MYT1: variants seen among roughly 807,000 people sequenced by gnomAD.
MYT1 encodes myelin transcription factor 1.
In MYT1, 23 loss-of-function variants were observed where a neutral mutation model predicts 123.0. The ratio of observed to expected loss-of-function variants is 0.19; its 90% CI spans 0.13 to 0.26. The LOEUF is 0.26. Ranked by LOEUF, MYT1 falls within the 10% of genes least tolerant of loss-of-function variation. The probability of loss-of-function intolerance (pLI) is 1.00; values close to 1 mark genes in which losing one functional copy is unlikely to be tolerated. For synonymous variants in MYT1, 518 were observed against 575.3 expected (o/e 0.90, Z 1.43); for missense variants, 1,125 against 1,472.5 (o/e 0.76, Z 3.86).
rs1190234525 is a variant in MYT1 at position 64,231,002 on chromosome 20, A to G, written c.2676-1162A>G. Among the ~76,000 whole-genome samples, 1 of 152,074 alleles carries G rather than the reference A, an allele frequency of 6.6e-6. No individual in the cohort carries two copies. The highest frequency in any genetic ancestry group is 1.5e-5 in the Non-Finnish European group (1 of 68,000). On this transcript the variant is annotated intron_variant, in intron 18 of 22. Transcript: ENST00000328439. This position sits in a 1 kb window ranked among gnomAD's most constrained non-coding sequence, Gnocchi z 6.4. ...CCTTCCACTGGGCAGCGCAGCCCTGAGCCGCCTCTCACCCCTACGGCGGGA... is the reference window on the plus strand; with the variant it reads ...CCTTCCACTGGGCAGCGCAGCCCTGGGCCGCCTCTCACCCCTACGGCGGGA...
chr20:64,206,504 A>G (rs1024758415), intron 6 of MYT1, among the ~76,000 whole-genome samples: 1 of 152,114 alleles, frequency 6.6e-6, no homozygotes, highest in African/African-American at 2.4e-5. Flanking sequence ...GCAGATCTGT[A>G]GAGACCTGGG....
At position 64,231,781 on chromosome 20, in the gene MYT1, T is replaced by C. The variant is rs1178453726; in HGVS notation, c.2676-383T>C. ...CTCCCAGGGAGTGGCCTCTAGGTGG[T>C]CTCAGCTGACAACATGGCTCCACAT... is the stretch of plus-strand genomic sequence containing the variant. On this transcript the variant is annotated intron_variant, in intron 18 of 22. Transcript: ENST00000328439. The surrounding 1 kb of genome is among the most constrained non-coding windows in gnomAD (Gnocchi z 6.4). Among the ~76,000 whole-genome samples the C allele has an allele frequency of 6.6e-6, 1 of 152,072 alleles. No homozygotes were observed. Among genetic ancestry groups the C allele is most frequent in the Non-Finnish European group, 1.5e-5 (1 of 68,006 alleles).
chr20:64,199,765 A>T, intron 3 of MYT1, 127 bp from the exon 4 acceptor site: 1 of 1,085,790 alleles, frequency 9.2e-7, no homozygotes. Flanking sequence ...CTCAGGTCTC[A>T]CTGAGATTTG....
intron 4 of MYT1, among the ~76,000 whole-genome samples, chr20:64,201,939 C>T (rs946303226): frequency 7.2e-6 from 1 of 139,136 alleles, no homozygotes; most frequent in Non-Finnish European, 1.6e-5. Flanking sequence ...CCCCGCGTGT[C>T]GGGAACCTCT....
intron 16 of MYT1, among the ~76,000 whole-genome samples, chr20:64,223,728 C>T (rs1158203944): frequency 2.0e-5 from 3 of 152,150 alleles, no homozygotes; most frequent in Non-Finnish European, 4.4e-5. Context: ...CAGAACCGAC[C>T]AGGGAACGTA....
intron 21 of MYT1, among the ~76,000 whole-genome samples, chr20:64,237,661 T>C (rs187079): frequency 0.017 from 2,544 of 152,338 alleles, 78 homozygotes; most frequent in African/African-American, 0.059. Context: ...ACACTATTAA[T>C]AATACTAGTC....
chr20:64,234,700 G>A (rs1984445610), intron 19 of MYT1, among the ~76,000 whole-genome samples: 1 of 119,054 alleles, frequency 8.4e-6, no homozygotes. Flanking sequence ...GCTGGCCGTG[G>A]TGGGTGACCC....
chr20:64,170,895 A>T, intron 1 of MYT1, among the ~76,000 whole-genome samples: 1 of 74,580 alleles, frequency 1.3e-5, no homozygotes, highest in South Asian at 5.7e-4. Context: ...AGAGAGAGAG[A>T]GAGAGAGAGA....
rs1361013616 is a variant in MYT1 at position 64,203,189 on chromosome 20, C to T, written c.87-1846C>T. Among the ~76,000 whole-genome samples, 1 of 152,204 alleles carries T rather than the reference C, an allele frequency of 6.6e-6. No individual in the cohort carries two copies. Among genetic ancestry groups the T allele is most frequent in the African/African-American group, 2.4e-5 (1 of 41,454 alleles). On this transcript the variant is annotated intron_variant, in intron 4 of 22. Transcript: ENST00000328439. This position sits in a 1 kb window ranked among gnomAD's most constrained non-coding sequence, Gnocchi z 5.1. ...AGGTGCAGGCCCACCTTCCTGGGGA[C>T]CAGGACTCTTCTGAGCTGAGGGTGA... is the stretch of plus-strand genomic sequence containing the variant.
At chr20:64,200,066 C>T (rs1333126188) in intron 4 of MYT1, 144 bp downstream of exon 4, 1 of 934,608 alleles carries the variant, frequency 1.1e-6, no homozygotes, top group Non-Finnish European at 1.7e-6. Flanking sequence ...CTGCCTTTCT[C>T]CTGGCCACGT....
chr20:64,223,398 C>T (rs1217482489), intron 16 of MYT1, 39 bp downstream of exon 16: 2 of 1,608,320 alleles, frequency 1.2e-6, no homozygotes, highest in South Asian at 1.1e-5. Context: ...TCTTGGGCGG[C>T]ACCCTCGCTT....
chr20:64,195,032 A>G (rs1983068040), intron 2 of MYT1, among the ~76,000 whole-genome samples: 1 of 151,916 alleles, frequency 6.6e-6, no homozygotes, highest in Non-Finnish European at 1.5e-5. Flanking sequence ...GGTAGCTGGG[A>G]CTACAGGCGG....
rs541118182 is a variant in MYT1, at chr20:64,240,467, G to C, written c.*19G>C. On this transcript the variant is annotated 3_prime_UTR_variant, in exon 23 of 23. Transcript: ENST00000328439. ...GGTCTAGGCCGTGTGGTACCCAGAA[G>C]TGTCCCAGCCCACCACACCGTTTAC... The C allele has an allele frequency of 5.0e-6, 8 of 1,608,682 alleles. No homozygotes were observed. The highest frequency in any genetic ancestry group is 6.8e-6 in the Non-Finnish European group (8 of 1,178,192).
rs1462508972 is a variant in MYT1 at position 64,213,654 on chromosome 20, G to A, written c.1631+7G>A. The A allele has an allele frequency of 6.2e-7, 1 of 1,611,690 alleles. No homozygotes were observed. Among genetic ancestry groups the A allele is most frequent in the Non-Finnish European group, 8.5e-7 (1 of 1,178,106 alleles). ...ATTCCGATCGGATCCTCAGGTGAGT[G>A]AGATGAGCCACAGAACTGAAGAGGC... is the stretch of plus-strand genomic sequence containing the variant. On this transcript the variant is annotated splice_region_variant and intron_variant, in intron 10 of 22. Coordinates refer to ENST00000328439, the MANE Select transcript of MYT1 (RefSeq NM_004535.3). The surrounding 1 kb of genome is among the most constrained non-coding windows in gnomAD (Gnocchi z 5.6).
chr20:64,199,833 C>A, intron 3 of MYT1, 59 bp from the exon 4 acceptor site: 2 of 1,569,570 alleles, frequency 1.3e-6, no homozygotes, highest in Non-Finnish European at 1.8e-6. Context: ...GCTGTTAGGG[C>A]AATGAGCCTT....
Position 64,240,508 on chromosome 20 carries a change from C to G in MYT1, c.*60C>G. 1 of 1,540,236 alleles carries G rather than the reference C, an allele frequency of 6.5e-7. No individual in the cohort carries two copies. The highest frequency in any genetic ancestry group is 2.3e-5 in the East Asian group (1 of 43,384). On this transcript the variant is annotated 3_prime_UTR_variant, in exon 23 of 23. Coordinates refer to ENST00000328439, the MANE Select transcript of MYT1 (RefSeq NM_004535.3). ...CACCGTTTACCTCCCTCGCCCTGCCCCGCACCGTGGGGATGCCCAACTCAC... is the reference window on the plus strand; with the variant it reads ...CACCGTTTACCTCCCTCGCCCTGCCGCGCACCGTGGGGATGCCCAACTCAC...
chr20:64,186,353 G>A lies in MYT1; in HGVS notation c.-98-3710G>A, dbSNP rs1232476325. On this transcript the variant is annotated intron_variant, in intron 1 of 22. Coordinates refer to ENST00000328439, the MANE Select transcript of MYT1 (RefSeq NM_004535.3). The surrounding 1 kb of genome is among the most constrained non-coding windows in gnomAD (Gnocchi z 4.3). ...TGCTCAGGATGGAGCGGTCTCTGAT[G>A]TTCCGTTTCCCATTCGCATCCACGA... Among the ~76,000 whole-genome samples, 1 of 152,188 alleles carries A rather than the reference G, an allele frequency of 6.6e-6. No individual in the cohort carries two copies. Among genetic ancestry groups the A allele is most frequent in the Admixed American group, 6.5e-5 (1 of 15,282 alleles).
chr20:64,220,464 C>T (rs1045900838), intron 13 of MYT1, among the ~76,000 whole-genome samples: 4 of 152,206 alleles, frequency 2.6e-5, no homozygotes, highest in Non-Finnish European at 2.9e-5. Context: ...TCTACGTCCC[C>T]GAGACCAGGA....
chr20:64,198,983 C>A (rs1983210453), intron 3 of MYT1, 67 bp downstream of exon 3: 1 of 1,540,870 alleles, frequency 6.5e-7, no homozygotes, highest in Non-Finnish European at 9.0e-7. Context: ...TCCTCAGGAG[C>A]ACAAACCCCT....
Sources: gnomAD v4.1 joint callset for allele counts (sites outside exome capture counted in the v4.1 genomes callset) on GRCh38, gnomAD v4.1.1 for gene constraint, Gnocchi (gnomAD v3.1) non-coding constraint, MANE v1.5 for transcripts, NCBI Gene and HGNC (gene_info 2026-07-23, HGNC 2026-07-21) for gene names.